The following TRAPPC9 variants were observed in gnomAD, a reference collection of about 807,000 sequenced individuals.
The protein encoded by TRAPPC9 is IKK2 binding protein.
A neutral mutation model predicts 124.0 loss-of-function variants in TRAPPC9; 83 were observed. The observed-to-expected ratio is 0.67, with a 90% CI of 0.56 to 0.80. TRAPPC9 has a LOEUF of 0.80. Ranked by LOEUF, TRAPPC9 falls within the 30% of genes least tolerant of loss-of-function variation. The probability of loss-of-function intolerance (pLI) is 0.00; values close to 1 mark genes in which losing one functional copy is unlikely to be tolerated. For missense variants in TRAPPC9, 1,302 were observed against 1,508.3 expected, an observed-to-expected ratio of 0.86 and a Z score of 2.27; for synonymous variants, 638 against 617.5, an observed-to-expected ratio of 1.03 and a Z score of -0.49.
intron 11 of TRAPPC9, among the ~76,000 whole-genome samples, chr8:140,296,330 T>C (rs549003661): frequency 1.3e-5 from 2 of 152,354 alleles, no homozygotes; most frequent in East Asian, 1.9e-4. Context: ...AGTGGTACAA[T>C]CTTGGCTCAC....
At chr8:140,037,009 C>T (rs1033715615) in intron 17 of TRAPPC9, among the ~76,000 whole-genome samples, 3 of 152,150 alleles carry the variant, frequency 2.0e-5, no homozygotes, top group South Asian at 2.1e-4. Context: ...CCCCCACCCC[C>T]GACAGGCCCT....
intron 17 of TRAPPC9, among the ~76,000 whole-genome samples, chr8:140,210,263 G>T (rs1308499621): frequency 6.6e-6 from 1 of 152,224 alleles, no homozygotes; most frequent in African/African-American, 2.4e-5. Flanking sequence ...ACCCAGCAGG[G>T]CCACGCCGCT....
chr8:140,228,158 A>G (rs542933180), intron 16 of TRAPPC9, among the ~76,000 whole-genome samples: 1 of 152,374 alleles, frequency 6.6e-6, no homozygotes, highest in East Asian at 1.9e-4. Flanking sequence ...ACTAATGCAT[A>G]AGGTTGAATA....
At chr8:139,757,364 C>T (rs1332566001) in intron 21 of TRAPPC9, among the ~76,000 whole-genome samples, 3 of 17,878 alleles carry the variant, frequency 1.7e-4, no homozygotes, top group Non-Finnish European at 3.2e-4. Context: ...GAGGAGCCAG[C>T]GTTGGGGGAT....
At chr8:139,972,552 C>T (rs1388661504) in intron 19 of TRAPPC9, among the ~76,000 whole-genome samples, 1 of 152,162 alleles carries the variant, frequency 6.6e-6, no homozygotes, top group African/African-American at 2.4e-5. Context: ...GGGCACAGGG[C>T]CTCAGAAGCT....
Position 140,047,331 on chromosome 8 carries a change from G to A in TRAPPC9, c.2557-23252C>T, listed in dbSNP as rs150519670. Among the ~76,000 whole-genome samples the A allele has an allele frequency of 2.8e-4, 43 of 152,334 alleles. No individual in the cohort carries two copies. The East Asian group carries it at 6.6e-3, about 23-fold the overall frequency. The stretch of plus-strand genomic sequence containing the variant: ...ACCTGCAGTGCACGGGGGACAGCTC[G>A]CATTTCGGTATGCTAAGAATAGTCC... On this transcript the variant is annotated intron_variant, in intron 17 of 22. Transcript: ENST00000438773.
At chr8:140,283,035 C>A (rs536032003) in intron 14 of TRAPPC9, among the ~76,000 whole-genome samples, 1 of 151,656 alleles carries the variant, frequency 6.6e-6, no homozygotes, top group Non-Finnish European at 1.5e-5. Flanking sequence ...CCCAGGAGTT[C>A]AAGACCAGCC....
chr8:139,898,734 A>T (rs1228303745), intron 20 of TRAPPC9, among the ~76,000 whole-genome samples: 1 of 152,144 alleles, frequency 6.6e-6, no homozygotes, highest in East Asian at 1.9e-4. Flanking sequence ...AAAGTTGCAT[A>T]TGTCATACCC....
chr8:139,732,029 G>A lies in TRAPPC9; in HGVS notation c.3229C>T (p.Leu1077=), dbSNP rs1243232033. The change falls in exon 22 of 23, where the codon CTG becomes TTG. Residue 1077 remains leucine, a synonymous_variant. Transcript: ENST00000438773. ...CCCACGAAGGAGACGGTGTCGTGCA[G>A]GTCGTAGTTGTGCACGCCGTTCTGG... ...DHQNGVHNYD[L]HDTVSFVGSS... is the part of the protein sequence containing the mutation. 1.2e-6 allele frequency: 2 copies of A among 1,603,246 alleles called. No homozygotes were observed. The highest frequency in any genetic ancestry group is 1.3e-5 in the African/African-American group (1 of 74,790).
At chr8:139,824,629 T>G (rs1825494220) in intron 21 of TRAPPC9, among the ~76,000 whole-genome samples, 1 of 152,184 alleles carries the variant, frequency 6.6e-6, no homozygotes, top group Non-Finnish European at 1.5e-5. Flanking sequence ...GGTGTGATCT[T>G]GGCTCACTGC....
At position 140,413,960 on chromosome 8, in the gene TRAPPC9, G is replaced by A. The variant is rs1007485276; in HGVS notation, c.887-8262C>T. Among the ~76,000 whole-genome samples the A allele has an allele frequency of 2.0e-4, 31 of 151,776 alleles. No individual in the cohort carries two copies. The East Asian group carries it at 5.1e-3, about 25-fold the overall frequency. On this transcript the variant is annotated intron_variant, in intron 5 of 22. Transcript: ENST00000438773. ...AGTCTTTGCTATTGTGAATAGTGCC[G>A]CAATAAACATACGTGTGCATGTGTC...
At chr8:139,903,302 T>C (rs1831135643) in intron 20 of TRAPPC9, among the ~76,000 whole-genome samples, 1 of 152,048 alleles carries the variant, frequency 6.6e-6, no homozygotes. Flanking sequence ...GCCAAATTGG[T>C]TAAAAATGCT....
intron 9 of TRAPPC9, among the ~76,000 whole-genome samples, chr8:140,318,788 G>A (rs1383448297): frequency 6.6e-6 from 1 of 152,190 alleles, no homozygotes; most frequent in Non-Finnish European, 1.5e-5. Flanking sequence ...GATGGACACA[G>A]CAATAAAGTT....
At chr8:140,370,118 C>A (rs918608145) in intron 8 of TRAPPC9, among the ~76,000 whole-genome samples, 10 of 137,770 alleles carry the variant, frequency 7.3e-5, no homozygotes, top group African/African-American at 2.9e-4. Flanking sequence ...AAAAGTAACC[C>A]CTCAAAAATG....
chr8:139,818,190 C>A lies in TRAPPC9; in HGVS notation c.3055+67689G>T, dbSNP rs140348924. On this transcript the variant is annotated intron_variant, in intron 21 of 22. Transcript: ENST00000438773. ...TTCTTAACAGCTTCCTGCATGCATG[C>A]CCTGTCTCTAGGTGCTGGGCCCTGT... is the stretch of plus-strand genomic sequence containing the variant. Among the ~76,000 whole-genome samples, 398 of 152,320 alleles carry A rather than the reference C, an allele frequency of 2.6e-3. 2 individuals carry two copies. The highest frequency in any genetic ancestry group is 8.8e-3 in the African/African-American group (365 of 41,568).
At chr8:139,818,107 G>A (rs1353001901) in intron 21 of TRAPPC9, among the ~76,000 whole-genome samples, 1 of 152,152 alleles carries the variant, frequency 6.6e-6, no homozygotes, top group East Asian at 1.9e-4. Context: ...AAGACTTCAG[G>A]TCATTTGCCC....
chr8:140,297,524 T>A (rs77152290), intron 11 of TRAPPC9, among the ~76,000 whole-genome samples: 63 of 152,350 alleles, frequency 4.1e-4, no homozygotes, highest in African/African-American at 1.5e-3. Flanking sequence ...CAGTATTGAC[T>A]GCAGTTTTTC....
chr8:139,994,899 G>A (rs1360341920), intron 18 of TRAPPC9, among the ~76,000 whole-genome samples: 7 of 151,968 alleles, frequency 4.6e-5, no homozygotes, highest in Admixed American at 1.3e-4. Context: ...AGGTCATGGG[G>A]AAATACTCAT....
intron 5 of TRAPPC9, among the ~76,000 whole-genome samples, chr8:140,409,735 C>G (rs1405733296): frequency 6.6e-6 from 1 of 152,050 alleles, no homozygotes; most frequent in Non-Finnish European, 1.5e-5. Context: ...TAATATCTTA[C>G]CTTTTGCACA....
Sources: allele counts gnomAD v4.1 joint callset (sites outside exome capture counted in the v4.1 genomes callset), GRCh38; gene constraint gnomAD v4.1.1; transcripts MANE v1.5; gene names NCBI Gene and HGNC (gene_info 2026-07-23, HGNC 2026-07-21).